CDAN1: variants seen among roughly 807,000 people sequenced by gnomAD.
CDAN1 encodes codanin 1, also known as codanin-1.
CDAN1 carries 107 observed loss-of-function variants against 139.8 expected under a neutral mutation model. The observed-to-expected ratio is 0.77, with a 90% CI of 0.65 to 0.90. The LOEUF (loss-of-function observed/expected upper bound fraction) is 0.90. Ranked by LOEUF, CDAN1 falls within the 40% of genes least tolerant of loss-of-function variation. The pLI is 0.00. For synonymous variants in CDAN1, 776 were observed against 660.6 expected (o/e 1.17, Z -2.68); for missense variants, 1,667 against 1,575.7 (o/e 1.06, Z -0.98).
chr15:42,737,075 G>A lies in CDAN1; in HGVS notation c.28C>T (p.Arg10Ter). 1 of 1,526,512 alleles carries A rather than the reference G, an allele frequency of 6.6e-7. No individual in the cohort carries two copies. Among genetic ancestry groups the A allele is most frequent in the Non-Finnish European group, 8.8e-7 (1 of 1,135,010 alleles). The allele number at this position is 1,526,512 out of a possible 1,614,324, so 94.6% of individuals were successfully genotyped here. A position where few individuals can be genotyped will look rare whatever the true frequency, so the allele number is the denominator to read the frequency against. ...ACGGCTGCGACCGACACCTCTTCTC[G>A]CAGCAGCGACTCCAAAACGGCCGCC... MAAVLESLL[R>*]EEVSVAAVVR... Residue 10 changes from arginine (R) to a stop codon, truncating the protein, a stop_gained, in exon 1 of 28, where the codon CGA becomes TGA. Coordinates refer to ENST00000356231, the MANE Select transcript of CDAN1 (RefSeq NM_138477.4). LOFTEE classifies it high-confidence loss of function.
chr15:42,728,299 T>C (rs374090305), intron 20 of CDAN1, 32 bp from the exon 21 acceptor site: 398 of 1,604,114 alleles, frequency 2.5e-4, no homozygotes, highest in Non-Finnish European at 3.3e-4. Flanking sequence ...CAGTGATCTC[T>C]GGGTATTTCA....
At position 42,736,584 on chromosome 15, in the gene CDAN1, G is replaced by T. The variant is rs934220682; in HGVS notation, c.287C>A (p.Ala96Glu). 1.3e-6 allele frequency: 2 copies of T among 1,491,544 alleles called. No individual in the cohort carries two copies. The highest frequency in any genetic ancestry group is 1.3e-5 in the South Asian group (1 of 79,278). 92.4% of individuals were successfully genotyped at this position (1,491,544 alleles called of 1,614,324 possible). A position where few individuals can be genotyped will look rare whatever the true frequency, so the allele number is the denominator to read the frequency against. ...PGGPPRGSRG[A>E]RSQLFPPTEA... ...GGTCGGAGGGAAAAGCTGGCTGCGC[G>T]CCCCGCGGCTACCCCGCGGCGGGCC... is the stretch of plus-strand genomic sequence containing the variant. The change falls in exon 2 of 28, where the codon GCG becomes GAG. Residue 96 changes from alanine to glutamate, a missense_variant. Physicochemically the swap from Ala to Glu is moderately radical, Grantham distance 107 (BLOSUM62 -1). Around this residue, in one of 3 missense-constraint regions of CDAN1, gnomAD observed 487 missense variants for 422.2 expected, o/e 1.15. Coordinates refer to ENST00000356231, the MANE Select transcript of CDAN1 (RefSeq NM_138477.4).
In CDAN1 at chr15:42,737,105, CGGTCGG is replaced by C; in HGVS notation, c.-9_-4del. The C allele has an allele frequency of 6.8e-7, 1 of 1,477,988 alleles. No homozygotes were observed. The allele number at this position is 1,477,988 out of a possible 1,614,324, so 91.6% of individuals were successfully genotyped here. A position where few individuals can be genotyped will look rare whatever the true frequency, so the allele number is the denominator to read the frequency against. Reference sequence around the variant, plus strand: ...AGCGACTCCAAAACGGCCGCCATCCCGGTCGGGGCGCTCTGGGGCGACTGCGCAGGC... The same window carrying C: ...AGCGACTCCAAAACGGCCGCCATCCCGGCGCTCTGGGGCGACTGCGCAGGC... On this transcript the variant is annotated 5_prime_UTR_variant, in exon 1 of 28. Transcript: ENST00000356231.
chr15:42,725,599 G>A lies in CDAN1; in HGVS notation c.3340C>T (p.Leu1114=), dbSNP rs758087164. The change falls in exon 26 of 28, where the codon CTG becomes TTG. Residue 1114 remains leucine (L), a synonymous_variant. Coordinates refer to ENST00000356231, the MANE Select transcript of CDAN1 (RefSeq NM_138477.4). ...RLERGQARRL[L]HMLLSLWKED... ...TTCCACAAGGAAAGCAGCATGTGCA[G>A]AAGCCTTCGAGCCTGCCCTCTCTCC... 2.5e-6 allele frequency: 4 copies of A among 1,614,078 alleles called. No homozygotes were observed. Among genetic ancestry groups the A allele is most frequent in the South Asian group, 2.2e-5 (2 of 91,088 alleles).
chr15:42,736,446 C>A lies in CDAN1; in HGVS notation c.425G>T (p.Gly142Val). Residue 142 changes from glycine to valine, a missense_variant, in exon 2 of 28, where the codon GGG becomes GTG. By Grantham distance (109) the Gly-to-Val change is moderately radical (BLOSUM62 -3). This residue lies in a region of CDAN1 where 487 missense variants were observed against 422.2 expected (regional missense o/e 1.15). Coordinates refer to ENST00000356231, the MANE Select transcript of CDAN1 (RefSeq NM_138477.4). ...GGRGLEEGVS[G>V]ESLPGAGGRR... ...GCCCCCGGCTCCGGGCAGGCTCTCC[C>A]CGCTGACCCCCTCCTCCAGGCCGCG... The A allele has an allele frequency of 6.3e-7, 1 of 1,575,586 alleles. No individual in the cohort carries two copies. Among genetic ancestry groups the A allele is most frequent in the East Asian group, 2.3e-5 (1 of 42,866 alleles).
At chr15:42,735,405 A>T in intron 4 of CDAN1, 31 bp from the exon 5 acceptor site, 1 of 1,591,824 alleles carries the variant, frequency 6.3e-7, no homozygotes, top group Non-Finnish European at 8.6e-7. Flanking sequence ...AGCCCATGGT[A>T]TGGGCACCAT....
rs1446590477 is a variant in CDAN1 at position 42,728,820 on chromosome 15, G to A, written c.2646-10C>T. On this transcript the variant is annotated splice_polypyrimidine_tract_variant and intron_variant, in intron 19 of 27. Transcript: ENST00000356231. ...TGCCACCAGTGTAGCCCTGCAGCAG[G>A]GACAGCAAGGTTGGGGATGGTTGGA... The A allele has an allele frequency of 6.2e-7, 1 of 1,614,008 alleles. No individual in the cohort carries two copies. The highest frequency in any genetic ancestry group is 8.5e-7 in the Non-Finnish European group (1 of 1,180,004).
At position 42,732,422 on chromosome 15, in the gene CDAN1, G is replaced by A; in HGVS notation, c.1458-14C>T. On this transcript the variant is annotated splice_polypyrimidine_tract_variant and intron_variant, in intron 9 of 27. Transcript: ENST00000356231. ...CCCATCATGGCCCTGAGGAATAGAA[G>A]GCAGGAATGAAGGGTGTGGAAAGGA... The A allele has an allele frequency of 6.2e-7, 1 of 1,603,834 alleles. No individual in the cohort carries two copies. Among genetic ancestry groups the A allele is most frequent in the African/African-American group, 1.3e-5 (1 of 74,814 alleles).
intron 25 of CDAN1, 66 bp from the exon 26 acceptor site, chr15:42,725,736 T>G: frequency 1.3e-6 from 2 of 1,529,052 alleles, no homozygotes; most frequent in Non-Finnish European, 1.8e-6. Context: ...CTCACACCTA[T>G]AATCCCAACA....
At chr15:42,725,843 C>T (rs997393566) in intron 25 of CDAN1, among the ~76,000 whole-genome samples, 173 bp from the exon 26 acceptor site, 3 of 151,832 alleles carry the variant, frequency 2.0e-5, no homozygotes, top group Admixed American at 6.6e-5. Context: ...ATTAGCCAGG[C>T]GTGGTGGAAG....
chr15:42,731,515 G>A lies in CDAN1; in HGVS notation c.1739+105C>T, dbSNP rs1036314367. The A allele has an allele frequency of 2.1e-6, 3 of 1,435,406 alleles. No individual in the cohort carries two copies. The African/African-American group carries it at 4.2e-5, about 20-fold the overall frequency. The allele number at this position is 1,435,406 out of a possible 1,614,324, so 88.9% of individuals were successfully genotyped here. On this transcript the variant is annotated intron_variant, in intron 11 of 27. Coordinates refer to ENST00000356231, the MANE Select transcript of CDAN1 (RefSeq NM_138477.4). ...GAAGCCAGCAAGTTGGAGCTGGAAGGAGCCTATCTCCAGGCAAAGGAGACT... is the reference window on the plus strand; with the variant it reads ...GAAGCCAGCAAGTTGGAGCTGGAAGAAGCCTATCTCCAGGCAAAGGAGACT...
At position 42,728,016 on chromosome 15, in the gene CDAN1, C is replaced by G. The variant is rs1221741573; in HGVS notation, c.2886G>C (p.Glu962Asp). 6.2e-7 allele frequency: 1 copy of G among 1,614,024 alleles called. No individual in the cohort carries two copies. ...CTGTTGCAAGCCCCACAGCAATGTT[C>G]TCTGCACTGCTCAGAACCTGCGAAA... Reference protein sequence around the residue: ...ETPAAVLSSAENIAVGLATEK... With the variant: ...ETPAAVLSSADNIAVGLATEK... Residue 962 changes from glutamate to aspartate, a missense_variant, in exon 22 of 28, where the codon GAG (glutamate) becomes GAC (aspartate). Around this residue, in one of 3 missense-constraint regions of CDAN1, gnomAD observed 936 missense variants for 844.1 expected, o/e 1.11. Coordinates refer to ENST00000356231, the MANE Select transcript of CDAN1 (RefSeq NM_138477.4).
chr15:42,729,867 C>A lies in CDAN1; in HGVS notation c.2281G>T (p.Asp761Tyr). 1 of 1,613,612 alleles carries A rather than the reference C, an allele frequency of 6.2e-7. No homozygotes were observed. Among genetic ancestry groups the A allele is most frequent in the Non-Finnish European group, 8.5e-7 (1 of 1,179,872 alleles). ...WLFQIPTVPE[D>Y]LFFLEEGPSY... ...GGACCCTCTTCCAGAAAGAACAAGT[C>A]CTCAGGGACTGTGGGAATCTGGCAA... Residue 761 changes from aspartate to tyrosine, a missense_variant, in exon 16 of 28, where the codon GAC (aspartate) becomes TAC (tyrosine). Physicochemically the swap from Asp to Tyr is radical, Grantham distance 160 (BLOSUM62 -3). This residue lies in a region of CDAN1 where 936 missense variants were observed against 844.1 expected (regional missense o/e 1.11). Coordinates refer to ENST00000356231, the MANE Select transcript of CDAN1 (RefSeq NM_138477.4).
intron 22 of CDAN1, 22 bp from the exon 23 acceptor site, chr15:42,727,791 G>A (rs1276375620): frequency 1.8e-5 from 29 of 1,607,574 alleles, no homozygotes; most frequent in Non-Finnish European, 2.4e-5. Context: ...AGGGAGAATG[G>A]GAAAGGAATC....
intron 26 of CDAN1, 42 bp downstream of exon 26, chr15:42,725,447 C>T: frequency 1.2e-6 from 2 of 1,611,940 alleles, no homozygotes; most frequent in Admixed American, 1.7e-5. Flanking sequence ...GGTGGATGTT[C>T]AGAGTGTGAC....
intron 7 of CDAN1, 42 bp from the exon 8 acceptor site, chr15:42,734,089 G>A (rs2061653545): frequency 1.3e-6 from 2 of 1,593,872 alleles, no homozygotes; most frequent in Non-Finnish European, 1.7e-6. Flanking sequence ...GGGTCATGCT[G>A]AGAAAACTTC....
chr15:42,736,816 C>G, intron 1 of CDAN1, 36 bp from the exon 2 acceptor site: 1 of 1,488,102 alleles, frequency 6.7e-7, no homozygotes, highest in Non-Finnish European at 8.9e-7. Flanking sequence ...GCGAGAGGGT[C>G]AGCCGCCGGC....
intron 27 of CDAN1, 99 bp from the exon 28 acceptor site, chr15:42,724,715 T>G (rs943142750): frequency 5.6e-6 from 8 of 1,439,992 alleles, no homozygotes; most frequent in Non-Finnish European, 7.6e-6. Context: ...GCTATATTAT[T>G]TTTTCTCAAC....
At chr15:42,734,515 G>A (rs1470934528) in intron 6 of CDAN1, among the ~76,000 whole-genome samples, 169 bp from the exon 7 acceptor site, 4 of 152,242 alleles carry the variant, frequency 2.6e-5, no homozygotes, top group African/African-American at 9.6e-5. Context: ...TCAAGGGGAG[G>A]ATATGAGACT....
Sources: allele counts gnomAD v4.1 joint callset (sites outside exome capture counted in the v4.1 genomes callset), GRCh38; gene constraint gnomAD v4.1.1; regional missense constraint gnomAD v4.1.1; transcripts MANE v1.5; gene names NCBI Gene and HGNC (gene_info 2026-07-23, HGNC 2026-07-21).